The following GMEB2 variants were observed in gnomAD, a reference collection of about 807,000 sequenced individuals.
The protein encoded by GMEB2 is glucocorticoid modulatory element-binding protein 2.
Under a neutral mutation model 45.7 loss-of-function variants are expected in GMEB2, and 7 were observed. The observed-to-expected ratio is 0.15, with a 90% CI of 0.09 to 0.29. The LOEUF is 0.29. Among genes scored for constraint, GMEB2 ranks in the 10% least tolerant of loss-of-function variants. The probability of loss-of-function intolerance (pLI) is 1.00; values close to 1 mark genes in which losing one functional copy is unlikely to be tolerated. For synonymous variants in GMEB2, 322 were observed against 323.6 expected (o/e 1.00, Z 0.05); for missense variants, 582 against 739.2 (o/e 0.79, Z 2.47).
chr20:63,618,827 G>A (rs544657281), intron 2 of GMEB2, among the ~76,000 whole-genome samples: 1 of 152,334 alleles, frequency 6.6e-6, no homozygotes, highest in South Asian at 2.1e-4. Context: ...AACAAAGCTG[G>A]CAGTTTGGGC....
At chr20:63,600,048 A>AT (rs869235724) in intron 4 of GMEB2, among the ~76,000 whole-genome samples, 131 of 149,464 alleles carry the variant, frequency 8.8e-4, no homozygotes, top group Admixed American at 4.0e-4. Flanking sequence ...CAAAAAAAAA[A>AT]TTTTTTTTTT....
chr20:63,602,596 T>C (rs1361316571), intron 4 of GMEB2, among the ~76,000 whole-genome samples: 2 of 152,258 alleles, frequency 1.3e-5, no homozygotes, highest in Admixed American at 1.3e-4. Flanking sequence ...TTTTCGGCTG[T>C]TCCACCACAG....
intron 2 of GMEB2, among the ~76,000 whole-genome samples, chr20:63,614,094 G>A (rs554181840): frequency 3.1e-4 from 47 of 152,254 alleles, no homozygotes; most frequent in Non-Finnish European, 3.7e-4. Context: ...CCTAGGTGCC[G>A]AGGCAAGAGA....
At chr20:63,594,222 A>T (rs1035649192) in intron 6 of GMEB2, among the ~76,000 whole-genome samples, 1 of 152,268 alleles carries the variant, frequency 6.6e-6, no homozygotes, top group Non-Finnish European at 1.5e-5. Context: ...AATGGTTCTC[A>T]GAGATTGCAG....
chr20:63,609,317 C>A (rs2089548348), intron 2 of GMEB2, among the ~76,000 whole-genome samples: 3 of 87,538 alleles, frequency 3.4e-5, no homozygotes. Context: ...TCTGACTCAC[C>A]TCCATTTCTA....
rs1263963587 is a variant in GMEB2, at chr20:63,618,271, C to T, written c.131+996G>A. ...CTGCATTTCCAGACATGGCCACCAG[C>T]TCTGTGGATGAGACAGGGGAGGACA... On this transcript the variant is annotated intron_variant, in intron 2 of 9. Transcript: ENST00000370077. Among the ~76,000 whole-genome samples the T allele has an allele frequency of 4.6e-5, 7 of 152,226 alleles. No homozygotes were observed. The East Asian group carries it at 9.6e-4, about 21-fold the overall frequency.
Position 63,604,788 on chromosome 20 carries a change from C to T in GMEB2, c.184G>A (p.Ala62Thr). The change falls in exon 3 of 10, where the codon GCC becomes ACC. Residue 62 changes from alanine to threonine, a missense_variant. Coordinates refer to ENST00000370077, the MANE Select transcript of GMEB2 (RefSeq NM_012384.5). ...METENAAAAA[A>T]AAFTASSQLK... The stretch of plus-strand genomic sequence containing the variant: ...TGGGAGGAGGCTGTGAAGGCCGCGG[C>T]AGCTGCTGCCGCTGCATTTTCTGTC... The T allele has an allele frequency of 6.2e-7, 1 of 1,612,408 alleles. No homozygotes were observed. The highest frequency in any genetic ancestry group is 8.5e-7 in the Non-Finnish European group (1 of 1,178,918).
chr20:63,616,893 T>C (rs1396784973), intron 2 of GMEB2, among the ~76,000 whole-genome samples: 2 of 152,132 alleles, frequency 1.3e-5, no homozygotes, highest in African/African-American at 4.8e-5. Flanking sequence ...AGTGTGACTG[T>C]ATTTAAAGAT....
In GMEB2 at chr20:63,612,651, C is replaced by T. The variant is rs191368505; in HGVS notation, c.131+6616G>A. Among the ~76,000 whole-genome samples the T allele has an allele frequency of 8.5e-5, 13 of 152,350 alleles. No individual in the cohort carries two copies. The East Asian group carries it at 2.5e-3, about 29-fold the overall frequency. The stretch of plus-strand genomic sequence containing the variant: ...CAAGGCAACAGAAGTGAGCAGGAGG[C>T]CCACTTTCCTCTGCAACTGTGGGCT... On this transcript the variant is annotated intron_variant, in intron 2 of 9. Coordinates refer to ENST00000370077, the MANE Select transcript of GMEB2 (RefSeq NM_012384.5).
chr20:63,598,096 T>A (rs1220245213), intron 4 of GMEB2, among the ~76,000 whole-genome samples: 1 of 152,222 alleles, frequency 6.6e-6, no homozygotes, highest in Non-Finnish European at 1.5e-5. Flanking sequence ...AGCTGCTGTG[T>A]GCCTGGGGCT....
At chr20:63,591,420 CAG>C (rs766920192) in intron 9 of GMEB2, among the ~76,000 whole-genome samples, 116 of 152,138 alleles carry the variant, frequency 7.6e-4, no homozygotes, top group Non-Finnish European at 1.5e-3. Context: ...GCACCAATAT[CAG>C]GGGCTTGAGC....
intron 3 of GMEB2, 121 bp downstream of exon 3, chr20:63,604,622 C>T (rs1183477084): frequency 1.4e-6 from 1 of 694,530 alleles, no homozygotes. Flanking sequence ...GGGCACACAG[C>T]TTGGGAATCA....
At chr20:63,590,914 G>A (rs900050283) in intron 9 of GMEB2, among the ~76,000 whole-genome samples, 185 bp from the exon 10 acceptor site, 5 of 152,104 alleles carry the variant, frequency 3.3e-5, no homozygotes, top group African/African-American at 9.7e-5. Flanking sequence ...TGTGGGAGAC[G>A]GGGCCCAAGA....
intron 4 of GMEB2, among the ~76,000 whole-genome samples, chr20:63,599,452 G>A (rs1341530499): frequency 6.6e-6 from 1 of 152,204 alleles, no homozygotes; most frequent in Non-Finnish European, 1.5e-5. Flanking sequence ...TGATCTGCTG[G>A]TGGCAAACTC....
At chr20:63,624,348 G>A (rs555770598) in intron 1 of GMEB2, among the ~76,000 whole-genome samples, 41 of 150,488 alleles carry the variant, frequency 2.7e-4, no homozygotes, top group Admixed American at 4.6e-4. Context: ...AGAATCTCTC[G>A]AACTCCGGAG....
In GMEB2 at chr20:63,590,408, G is replaced by A; in HGVS notation, c.1274C>T (p.Ser425Phe). Residue 425 changes from serine (S) to phenylalanine (F), a missense_variant, in exon 10 of 10, where the codon TCC becomes TTC. Ser to Phe is a radical substitution (Grantham distance 155). Coordinates refer to ENST00000370077, the MANE Select transcript of GMEB2 (RefSeq NM_012384.5). ...LQAPPASSPA[S>F]PLLGGYTVLA... ...GACTGTGTATCCCCCGAGCAGCGGG[G>A]AGGCCGGGGAGCTGGCGGGGGGCGC... 6.3e-7 allele frequency: 1 copy of A among 1,577,208 alleles called. No homozygotes were observed. The highest frequency in any genetic ancestry group is 8.7e-7 in the Non-Finnish European group (1 of 1,155,906).
At chr20:63,621,458 G>A (rs1210788722) in intron 1 of GMEB2, among the ~76,000 whole-genome samples, 2 of 152,048 alleles carry the variant, frequency 1.3e-5, no homozygotes, top group African/African-American at 2.4e-5. Context: ...CTGAGGTCAG[G>A]AGTTCGAGAC....
Position 63,619,062 on chromosome 20 carries a change from C to T in GMEB2, c.131+205G>A, listed in dbSNP as rs1288666736. Reference sequence around the variant, plus strand: ...GCCATGCAGGTACGGGAGGCCTCCCCGCAGCTGCAGCTGGGTCTTCTGGTC... The same window carrying T: ...GCCATGCAGGTACGGGAGGCCTCCCTGCAGCTGCAGCTGGGTCTTCTGGTC... On this transcript the variant is annotated intron_variant, in intron 2 of 9. Coordinates refer to ENST00000370077, the MANE Select transcript of GMEB2 (RefSeq NM_012384.5). This position sits in a 1 kb window ranked among gnomAD's most constrained non-coding sequence, Gnocchi z 4.6. Among the ~76,000 whole-genome samples the T allele has an allele frequency of 3.9e-5, 6 of 152,202 alleles. No individual in the cohort carries two copies. Among genetic ancestry groups the T allele is most frequent in the Non-Finnish European group, 7.3e-5 (5 of 68,030 alleles).
Position 63,592,259 on chromosome 20 carries a change from G to T in GMEB2, c.830-115C>A. 1.0e-6 allele frequency: 1 copy of T among 994,928 alleles called. No individual in the cohort carries two copies. The highest frequency in any genetic ancestry group is 1.5e-6 in the Non-Finnish European group (1 of 673,878). 61.6% of individuals were successfully genotyped at this position (994,928 alleles called of 1,614,324 possible). On this transcript the variant is annotated intron_variant, in intron 8 of 9. Coordinates refer to ENST00000370077, the MANE Select transcript of GMEB2 (RefSeq NM_012384.5). This position sits in a 1 kb window ranked among gnomAD's most constrained non-coding sequence, Gnocchi z 8.2. Reference sequence around the variant, plus strand: ...AGAGTCACGTGGACGCTCGGTGAGAGCCTGGGCTCTTCCTAGAGAGTGAGA... The same window carrying T: ...AGAGTCACGTGGACGCTCGGTGAGATCCTGGGCTCTTCCTAGAGAGTGAGA...
Sources: allele counts gnomAD v4.1 joint callset (sites outside exome capture counted in the v4.1 genomes callset), GRCh38; gene constraint gnomAD v4.1.1; non-coding constraint Gnocchi (gnomAD v3.1); transcripts MANE v1.5; gene names NCBI Gene and HGNC (gene_info 2026-07-23, HGNC 2026-07-21).